Variants in NETO2 observed in about 807,000 individuals in gnomAD.
NETO2 encodes the protein neuropilin and tolloid like 2.
NETO2 carries 28 observed loss-of-function variants against 62.5 expected under a neutral mutation model. The ratio of observed to expected loss-of-function variants is 0.45; its 90% confidence interval spans 0.33 to 0.61. The LOEUF (loss-of-function observed/expected upper bound fraction) is 0.61. NETO2 is among the 20% of genes least tolerant of loss of function. The pLI is 0.02. For missense variants in NETO2, 548 were observed against 643.2 expected (o/e 0.85, Z 1.60); for synonymous variants, 214 against 219.1 (o/e 0.98, Z 0.21).
rs1386422639 is a variant in NETO2, at chr16:47,114,436, TTTC to T, written c.655-4728_655-4726del. Among the ~76,000 whole-genome samples, 16 of 135,052 alleles carry T rather than the reference TTTC, an allele frequency of 1.2e-4. No homozygotes were observed. In the South Asian group the frequency reaches 3.5e-3, roughly 29 times the overall value. The allele number at this position is 135,052 out of a possible 152,430, so 88.6% of individuals were successfully genotyped here. A position where few individuals can be genotyped will look rare whatever the true frequency, so the allele number is the denominator to read the frequency against. Reference sequence around the variant, plus strand: ...CTTTTTCATTAGTCCAATTTATAAATTTCTTTTTTTTTTTTTTTTTTTTTTTTT... The same window carrying T: ...CTTTTTCATTAGTCCAATTTATAAATTTTTTTTTTTTTTTTTTTTTTTTTT... On this transcript the variant is annotated intron_variant, in intron 6 of 8. Coordinates refer to ENST00000562435, the MANE Select transcript of NETO2 (RefSeq NM_018092.5).
chr16:47,106,532 T>C (rs1465305717), intron 7 of NETO2, among the ~76,000 whole-genome samples: 1 of 152,098 alleles, frequency 6.6e-6, no homozygotes, highest in Non-Finnish European at 1.5e-5. Flanking sequence ...CTAACGAAAT[T>C]ACACAACTTT....
chr16:47,095,892 T>C (rs142681175), intron 7 of NETO2, among the ~76,000 whole-genome samples: 50 of 152,326 alleles, frequency 3.3e-4, no homozygotes, highest in African/African-American at 1.0e-3. Flanking sequence ...GTCTCTAGAA[T>C]AGACTACGTA....
intron 1 of NETO2, among the ~76,000 whole-genome samples, chr16:47,133,155 C>T (rs1567400297): frequency 6.6e-6 from 1 of 152,008 alleles, no homozygotes; most frequent in Non-Finnish European, 1.5e-5. Context: ...ATAATGGAAG[C>T]AGAAGGTCCA....
At chr16:47,095,415 G>A (rs1318466253) in intron 7 of NETO2, among the ~76,000 whole-genome samples, 2 of 152,068 alleles carry the variant, frequency 1.3e-5, no homozygotes, top group African/African-American at 4.8e-5. Flanking sequence ...CAGAATTGAT[G>A]GGAAAAAACA....
chr16:47,107,403 G>C (rs1409159382), intron 7 of NETO2, among the ~76,000 whole-genome samples: 1 of 152,168 alleles, frequency 6.6e-6, no homozygotes, highest in South Asian at 2.1e-4. Context: ...ACAGTATCTT[G>C]ACAGTAAAGT....
At chr16:47,122,411 A>G (rs1288302545) in intron 6 of NETO2, among the ~76,000 whole-genome samples, 2 of 152,218 alleles carry the variant, frequency 1.3e-5, no homozygotes, top group African/African-American at 4.8e-5. Flanking sequence ...TTAATCTTTT[A>G]TAATTGAGAA....
rs753572093 is a variant in NETO2, at chr16:47,131,988, G to A, written c.72C>T (p.Ala24=). Residue 24 remains alanine (A), a synonymous_variant, in exon 2 of 9, where the codon GCC becomes GCT. Coordinates refer to ENST00000562435, the MANE Select transcript of NETO2 (RefSeq NM_018092.5). The part of the protein sequence containing the change: ...LITVLVVEGI[A]VAQKTQDGQN... ...CTTTACCTTGGGTTTTTTGGGCCACGGCAATCCCTTCCACTACCAGTACTG... is the reference window on the plus strand; with the variant it reads ...CTTTACCTTGGGTTTTTTGGGCCACAGCAATCCCTTCCACTACCAGTACTG... 15 of 1,612,258 alleles carry A rather than the reference G, an allele frequency of 9.3e-6. No homozygotes were observed. In the Admixed American group the frequency reaches 1.2e-4, roughly 13 times the overall value.
intron 4 of NETO2, 63 bp from the exon 5 acceptor site, chr16:47,122,975 T>C (rs553883493): frequency 1.4e-6 from 2 of 1,468,658 alleles, no homozygotes; most frequent in African/African-American, 1.4e-5. Flanking sequence ...CTCGATGTCT[T>C]ACATTACATC....
rs1209246227 is a variant in NETO2, at chr16:47,143,596, A to C, written c.17T>G (p.Leu6Arg). 8.2e-7 allele frequency: 1 copy of C among 1,222,786 alleles called. No homozygotes were observed. The highest frequency in any genetic ancestry group is 1.6e-5 in the African/African-American group (1 of 63,570). 75.7% of individuals were successfully genotyped at this position (1,222,786 alleles called of 1,614,324 possible). The stretch of plus-strand genomic sequence containing the variant: ...GTCCTTACCTTTGAGGACCGAGCAG[A>C]GCCGCTCCAGGGCCATGTTCCCGAG... Reference protein sequence around the residue: MALERLCSVLKVLLIT... With the variant: MALERRCSVLKVLLIT... Residue 6 changes from leucine (L) to arginine (R), a missense_variant, in exon 1 of 9, where the codon CTC (leucine) becomes CGC (arginine). Coordinates refer to ENST00000562435, the MANE Select transcript of NETO2 (RefSeq NM_018092.5).
At chr16:47,129,433 A>G in intron 2 of NETO2, 69 bp from the exon 3 acceptor site, 1 of 1,512,614 alleles carries the variant, frequency 6.6e-7, no homozygotes, top group Non-Finnish European at 9.1e-7. Context: ...TTCCCCCACC[A>G]CTTTCCAAAC....
intron 7 of NETO2, among the ~76,000 whole-genome samples, chr16:47,104,606 C>G (rs1963630461): frequency 6.6e-6 from 1 of 152,222 alleles, no homozygotes. Context: ...TTGGAGGACT[C>G]ATACTTCCTG....
chr16:47,115,719 A>ATATATATATATATATATATG, intron 6 of NETO2, among the ~76,000 whole-genome samples: 1 of 133,538 alleles, frequency 7.5e-6, no homozygotes, highest in African/African-American at 3.5e-5. Flanking sequence ...ATATACATAT[A>ATATATATATATATATATATG]TATATATATA....
chr16:47,106,470 C>T (rs976669529), intron 7 of NETO2, among the ~76,000 whole-genome samples: 6 of 151,750 alleles, frequency 4.0e-5, no homozygotes, highest in African/African-American at 1.5e-4. Flanking sequence ...GTATATTTTG[C>T]CACAGTTGAA....
intron 7 of NETO2, among the ~76,000 whole-genome samples, chr16:47,107,439 G>C (rs1162730338): frequency 6.6e-6 from 1 of 152,112 alleles, no homozygotes; most frequent in Non-Finnish European, 1.5e-5. Flanking sequence ...CTGTACGTAA[G>C]GTATTTTGTT....
intron 7 of NETO2, among the ~76,000 whole-genome samples, chr16:47,103,291 T>C (rs1963596339): frequency 1.3e-5 from 2 of 152,060 alleles, no homozygotes; most frequent in Non-Finnish European, 2.9e-5. Context: ...CCGGGGCCTG[T>C]TGGGGGATGA....
At chr16:47,102,277 T>C (rs746839213) in intron 7 of NETO2, among the ~76,000 whole-genome samples, 33 of 151,498 alleles carry the variant, frequency 2.2e-4, no homozygotes, top group Middle Eastern at 3.2e-3. Flanking sequence ...GGACCTTATA[T>C]AAAAAGTAAC....
At chr16:47,095,814 C>T (rs1022721479) in intron 7 of NETO2, among the ~76,000 whole-genome samples, 1 of 152,028 alleles carries the variant, frequency 6.6e-6, no homozygotes, top group African/African-American at 2.4e-5. Flanking sequence ...ACCAAATGGA[C>T]CTAACATATA....
intron 6 of NETO2, among the ~76,000 whole-genome samples, chr16:47,114,618 T>G (rs1038515479): frequency 3.3e-5 from 5 of 151,420 alleles, no homozygotes; most frequent in African/African-American, 1.2e-4. Flanking sequence ...GCCCAACTAA[T>G]TTTTTGTATT....
Position 47,128,421 on chromosome 16 carries a change from A to G in NETO2, c.385T>C (p.Leu129=). The change falls in exon 4 of 9, where the codon TTA becomes CTA. Residue 129 remains leucine (L), a synonymous_variant. Coordinates refer to ENST00000562435, the MANE Select transcript of NETO2 (RefSeq NM_018092.5). The part of the protein sequence containing the change: ...DRYCGVKSPP[L]IRSTGRFMWI... ...ATGAATCTCCCTGTTGATCTAATTA[A>G]TGGAGGGCTTTTCACGCCACAGTAA... 6.2e-7 allele frequency: 1 copy of G among 1,614,112 alleles called. No homozygotes were observed. Among genetic ancestry groups the G allele is most frequent in the Non-Finnish European group, 8.5e-7 (1 of 1,179,984 alleles).
Sources: allele counts gnomAD v4.1 joint callset (sites outside exome capture counted in the v4.1 genomes callset), GRCh38; gene constraint gnomAD v4.1.1; transcripts MANE v1.5; gene names NCBI Gene and HGNC (gene_info 2026-07-23, HGNC 2026-07-21).